Variants in ANKRD30B observed in about 807,000 individuals in gnomAD.
The protein encoded by ANKRD30B is ankyrin repeat domain 30B.
In ANKRD30B, 144 loss-of-function variants were observed where a neutral mutation model predicts 202.2. The observed-to-expected ratio is 0.71, with a 90% CI of 0.62 to 0.82. The LOEUF is 0.82. Among genes scored for constraint, ANKRD30B ranks in the 40% least tolerant of loss-of-function variants. The pLI is 0.00. For synonymous variants in ANKRD30B, 508 were observed against 561.3 expected (o/e 0.91, Z 1.34); for missense variants, 1,487 against 1,669.1 (o/e 0.89, Z 1.90).
At chr18:14,760,732 A>G in intron 6 of ANKRD30B, 114 bp downstream of exon 6, 1 of 677,924 alleles carries the variant, frequency 1.5e-6, no homozygotes, top group Admixed American at 3.2e-5. Context: ...GTTTACATAT[A>G]TACATATATG....
At chr18:14,921,970 AAAAC>A in the ANKRD30B span, among the ~76,000 whole-genome samples, 3 of 152,230 alleles carry the variant, frequency 2.0e-5, no homozygotes. Context: ...CACACAAACA[AAAAC>A]AAACAAAAAA....
At chr18:14,783,308 A>G (rs1211931830) in intron 12 of ANKRD30B, among the ~76,000 whole-genome samples, 1 of 152,184 alleles carries the variant, frequency 6.6e-6, no homozygotes, top group African/African-American at 2.4e-5. Flanking sequence ...CTAAATTTTA[A>G]TAAGTTCTCA....
chr18:14,914,463 G>A, the ANKRD30B span, among the ~76,000 whole-genome samples: 5 of 152,170 alleles, frequency 3.3e-5, no homozygotes, highest in African/African-American at 1.2e-4. Context: ...TGGGAACAGG[G>A]CCCTTGCTCC....
chr18:14,888,733 C>A, the ANKRD30B span: 3 of 927,260 alleles, frequency 3.2e-6, no homozygotes, highest in South Asian at 5.0e-5. Context: ...AGAACGTGGG[C>A]TGTTTTTGTT....
At chr18:14,827,244 C>A (rs1217235267) in intron 32 of ANKRD30B, among the ~76,000 whole-genome samples, 1 of 152,098 alleles carries the variant, frequency 6.6e-6, no homozygotes, top group Non-Finnish European at 1.5e-5. Context: ...TGATTCATGA[C>A]CTGGATGAGA....
chr18:14,866,218 C>T, the ANKRD30B span, among the ~76,000 whole-genome samples: 61,749 of 141,560 alleles, frequency 0.44, 9,451 homozygotes, highest in Non-Finnish European at 0.45. Context: ...ACTCTGTTCC[C>T]GGCTTAGAGG....
chr18:14,752,816 A>G (rs1419903230), intron 2 of ANKRD30B, 23 bp from the exon 3 acceptor site: 1 of 1,594,758 alleles, frequency 6.3e-7, no homozygotes, highest in South Asian at 1.1e-5. Context: ...TTTATAATGT[A>G]CTTCTTGCTT....
At chr18:14,772,318 A>G (rs1967056172) in intron 9 of ANKRD30B, 90 bp downstream of exon 9, 1 of 735,286 alleles carries the variant, frequency 1.4e-6, no homozygotes, top group African/African-American at 1.8e-5. Context: ...TCATTATTTC[A>G]TGTTGGTAAT....
Position 14,748,562 on chromosome 18 carries a change from G to A in ANKRD30B, c.143G>A (p.Arg48Gln), listed in dbSNP as rs1912853410. Residue 48 changes from arginine (R) to glutamine (Q), a missense_variant, in exon 1 of 44, where the codon CGG becomes CAG. This residue lies in a region of ANKRD30B where 889 missense variants were observed against 841.4 expected (regional missense o/e 1.06). Transcript: ENST00000690538. ...DLGKIHTAAS[R>Q]GQVQKLEKMT... ...GGGAAGATCCATACAGCTGCCTCCC[G>A]GGGCCAAGTCCAGAAGCTGGAGAAG... 1.9e-6 allele frequency: 3 copies of A among 1,560,146 alleles called. No individual in the cohort carries two copies. Among genetic ancestry groups the A allele is most frequent in the East Asian group, 4.8e-5 (2 of 41,888 alleles).
chr18:14,836,900 A>G (rs1366907016), intron 34 of ANKRD30B, among the ~76,000 whole-genome samples: 2 of 151,910 alleles, frequency 1.3e-5, no homozygotes, highest in East Asian at 3.9e-4. Context: ...TTTCAGGTAA[A>G]ACTGATTTTT....
chr18:14,805,992 G>A (rs893921148), intron 24 of ANKRD30B, among the ~76,000 whole-genome samples: 6 of 150,366 alleles, frequency 4.0e-5, no homozygotes, highest in East Asian at 3.9e-4. Context: ...AGGCCGAGGC[G>A]GGCAGATCAC....
chr18:14,839,086 C>T (rs1259743334), intron 36 of ANKRD30B, among the ~76,000 whole-genome samples: 1 of 152,100 alleles, frequency 6.6e-6, no homozygotes, highest in Admixed American at 6.6e-5. Flanking sequence ...AATGTTTTGA[C>T]CTGGAGTAAT....
the ANKRD30B span, among the ~76,000 whole-genome samples, chr18:14,879,583 A>C: frequency 6.6e-6 from 1 of 151,552 alleles, no homozygotes; most frequent in East Asian, 1.9e-4. Context: ...TAGGGGTTAA[A>C]TTTAGGGTTT....
the ANKRD30B span, among the ~76,000 whole-genome samples, chr18:14,861,339 T>C: frequency 6.3e-4 from 96 of 151,994 alleles, no homozygotes; most frequent in East Asian, 0.017. Flanking sequence ...GCAAACTGGA[T>C]AAAAAAAAGA....
chr18:14,821,195 G>T (rs976296186), intron 30 of ANKRD30B, among the ~76,000 whole-genome samples: 6 of 151,866 alleles, frequency 4.0e-5, no homozygotes, highest in Non-Finnish European at 7.4e-5. Context: ...TATTTCTGTG[G>T]GATCGGTGGT....
At chr18:14,818,645 AATG>A (rs1349835001) in intron 30 of ANKRD30B, among the ~76,000 whole-genome samples, 4 of 151,570 alleles carry the variant, frequency 2.6e-5, no homozygotes, top group Non-Finnish European at 4.4e-5. Flanking sequence ...GTTTACTGAG[AATG>A]ATGATTTCCA....
intron 4 of ANKRD30B, among the ~76,000 whole-genome samples, chr18:14,757,046 T>C (rs1489996112): frequency 6.6e-6 from 1 of 150,698 alleles, no homozygotes; most frequent in Non-Finnish European, 1.5e-5. Flanking sequence ...CACCAGATAC[T>C]GTGAATTTAT....
chr18:14,852,391 C>G lies in ANKRD30B; in HGVS notation c.4447C>G (p.Gln1483Glu), dbSNP rs1971929544. ...TAACCATTTAAAAGAACGTATAGATCAATATGAAAAAGAGAAAGCAGAAAG... is the reference window on the plus strand; with the variant it reads ...TAACCATTTAAAAGAACGTATAGATGAATATGAAAAAGAGAAAGCAGAAAG... ...YGNHLKERID[Q>E]YEKEKAEREV... Residue 1483 changes from glutamine to glutamate, a missense_variant, in exon 42 of 44, where the codon CAA becomes GAA. Physicochemically the swap from Gln to Glu is conservative, Grantham distance 29. This residue lies in a region of ANKRD30B where 182 missense variants were observed against 216.0 expected (regional missense o/e 0.84). Transcript: ENST00000690538. The G allele has an allele frequency of 6.6e-7, 1 of 1,525,178 alleles. No individual in the cohort carries two copies. Among genetic ancestry groups the G allele is most frequent in the Non-Finnish European group, 8.8e-7 (1 of 1,140,560 alleles). The allele number at this position is 1,525,178 out of a possible 1,614,324, so 94.5% of individuals were successfully genotyped here. A position where few individuals can be genotyped will look rare whatever the true frequency, so the allele number is the denominator to read the frequency against.
At chr18:14,928,831 C>T in the ANKRD30B span, among the ~76,000 whole-genome samples, 1 of 152,186 alleles carries the variant, frequency 6.6e-6, no homozygotes, top group Non-Finnish European at 1.5e-5. Flanking sequence ...TGACTATTCT[C>T]AAAATCTGCC....
Sources: allele counts gnomAD v4.1 joint callset (sites outside exome capture counted in the v4.1 genomes callset), GRCh38; gene constraint gnomAD v4.1.1; regional missense constraint gnomAD v4.1.1; transcripts MANE v1.5; gene names NCBI Gene and HGNC (gene_info 2026-07-23, HGNC 2026-07-21).